Variants in MCC observed in about 807,000 individuals in gnomAD.
MCC encodes colorectal mutant cancer protein.
In MCC, 90 loss-of-function variants were observed where a neutral mutation model predicts 116.2. The ratio of observed to expected loss-of-function variants is 0.77; its 90% confidence interval spans 0.65 to 0.92. MCC has a LOEUF of 0.92. Ranked by LOEUF, MCC falls within the 40% of genes least tolerant of loss-of-function variation. MCC has a pLI of 0.00. For synonymous variants in MCC, 578 were observed against 510.5 expected (o/e 1.13, Z -1.78); for missense variants, 1,516 against 1,312.2 (o/e 1.16, Z -2.40).
chr5:113,392,652 A>T (rs996083061), intron 1 of MCC, among the ~76,000 whole-genome samples: 17 of 152,172 alleles, frequency 1.1e-4, no homozygotes, highest in African/African-American at 3.9e-4. Flanking sequence ...AGAGGTTAAC[A>T]ATAATATTAA....
intron 3 of MCC, among the ~76,000 whole-genome samples, chr5:113,276,652 G>C (rs939434786): frequency 6.6e-6 from 1 of 152,008 alleles, no homozygotes; most frequent in African/African-American, 2.4e-5. Context: ...TTTGAGACAG[G>C]GTCTGGCTCT....
Position 113,029,049 on chromosome 5 carries a change from T to A in MCC, c.2764A>T (p.Lys922Ter). ...EFTNAIRREK[K>*]LKARVQELVS... is the part of the protein sequence containing the mutation. ...AGCTCTTGAACTCTGGCCTTCAACT[T>A]CTTTTCTCTATATTAAAGGAGACAA... The change falls in exon 18 of 19, where the codon AAG (lysine) becomes TAG (stop). Residue 922 changes from lysine to a stop codon, truncating the protein, a stop_gained. Coordinates refer to ENST00000408903, the MANE Select transcript of MCC (RefSeq NM_001085377.2). LOFTEE classifies it high-confidence loss of function. 1.2e-6 allele frequency: 2 copies of A among 1,612,916 alleles called. No individual in the cohort carries two copies. Among genetic ancestry groups the A allele is most frequent in the Middle Eastern group, 1.6e-4 (1 of 6,062 alleles).
chr5:113,221,374 G>A (rs1297812414), intron 3 of MCC, among the ~76,000 whole-genome samples: 1 of 152,188 alleles, frequency 6.6e-6, no homozygotes, highest in African/African-American at 2.4e-5. Flanking sequence ...CTGGGCACAG[G>A]ACAAACTAAC....
At chr5:113,144,890 C>A (rs1296867364) in intron 4 of MCC, among the ~76,000 whole-genome samples, 1 of 152,104 alleles carries the variant, frequency 6.6e-6, no homozygotes, top group African/African-American at 2.4e-5. Context: ...GTCAAGCACA[C>A]AAAAAATAAG....
At chr5:113,239,955 C>A (rs117731932) in intron 3 of MCC, among the ~76,000 whole-genome samples, 1 of 152,200 alleles carries the variant, frequency 6.6e-6, no homozygotes, top group Non-Finnish European at 1.5e-5. Flanking sequence ...GCTTTAGACA[C>A]AAATCTCATC....
chr5:113,341,988 C>T (rs1768028148), intron 2 of MCC, among the ~76,000 whole-genome samples: 1 of 150,680 alleles, frequency 6.6e-6, no homozygotes, highest in East Asian at 1.9e-4. Context: ...TCCCTCACCC[C>T]CCCACTCACA....
chr5:113,344,632 G>A (rs1430602251), intron 2 of MCC, among the ~76,000 whole-genome samples: 1 of 151,908 alleles, frequency 6.6e-6, no homozygotes, highest in Non-Finnish European at 1.5e-5. Flanking sequence ...GCAGAGTCAT[G>A]AGGCCCCCCA....
In MCC at chr5:113,077,949, G is replaced by A. The variant is rs550787818; in HGVS notation, c.1784+4911C>T. Among the ~76,000 whole-genome samples the A allele has an allele frequency of 6.1e-3, 926 of 151,832 alleles. 5 individuals are homozygous for A. Among genetic ancestry groups the A allele is most frequent in the African/African-American group, 0.013 (538 of 41,382 alleles). On this transcript the variant is annotated intron_variant, in intron 11 of 18. Coordinates refer to ENST00000408903, the MANE Select transcript of MCC (RefSeq NM_001085377.2). ...AAGAAAAGAGATGAATCAAATAGAC[G>A]CAATAAAAAATAATAAAGGGGATAT...
chr5:113,285,370 AAAG>A (rs1315487097), intron 3 of MCC, among the ~76,000 whole-genome samples: 1 of 122,092 alleles, frequency 8.2e-6, no homozygotes, highest in African/African-American at 3.1e-5. Context: ...CAAAATATGA[AAAG>A]AATAAGAAAG....
intron 1 of MCC, among the ~76,000 whole-genome samples, chr5:113,443,712 T>C (rs570267977): frequency 2.1e-4 from 32 of 152,308 alleles, no homozygotes; most frequent in African/African-American, 7.7e-4. Flanking sequence ...TGAAGGGGTG[T>C]TGAATTTTAT....
intron 18 of MCC, 101 bp from the exon 19 acceptor site, chr5:113,027,583 GAAGA>G: frequency 9.5e-7 from 1 of 1,047,556 alleles, no homozygotes; most frequent in Non-Finnish European, 1.4e-6. Flanking sequence ...GCACTGCTCT[GAAGA>G]AAGATCACTC....
At chr5:113,348,532 C>A (rs1120091) in intron 2 of MCC, among the ~76,000 whole-genome samples, 64,848 of 151,728 alleles carry the variant, frequency 0.43, 15,201 homozygotes, top group African/African-American at 0.62. Context: ...AATGGACATG[C>A]AACATTCCAA....
In MCC at chr5:113,282,027, G is replaced by A. The variant is rs565851804; in HGVS notation, c.627+58492C>T. 2.6e-5 allele frequency among the ~76,000 whole-genome samples: 4 copies of A among 152,244 alleles called. No homozygotes were observed. The South Asian group carries it at 8.3e-4, about 32-fold the overall frequency. ...CTGGCCTTCACAACATTTATCTAGG[G>A]AAAATACTTTTATTATCACTACTTT... On this transcript the variant is annotated intron_variant, in intron 3 of 18. Transcript: ENST00000408903.
intron 1 of MCC, among the ~76,000 whole-genome samples, chr5:113,389,685 G>A (rs1317992351): frequency 1.3e-5 from 2 of 152,146 alleles, no homozygotes; most frequent in African/African-American, 4.8e-5. Context: ...GGCAGCCAGT[G>A]TTGATGCTAC....
In MCC at chr5:113,045,979, T is replaced by C. The variant is rs1752044623; in HGVS notation, c.2656-2349A>G. 3.3e-5 allele frequency among the ~76,000 whole-genome samples: 5 copies of C among 152,080 alleles called. No homozygotes were observed. The South Asian group carries it at 6.2e-4, about 19-fold the overall frequency. On this transcript the variant is annotated intron_variant, in intron 16 of 18. Coordinates refer to ENST00000408903, the MANE Select transcript of MCC (RefSeq NM_001085377.2). ...TGTGTGACCCTTCACAGAAAAGTGC[T>C]GACCCCTTCTCTAGATGCTCGCCTC... is the stretch of plus-strand genomic sequence containing the variant.
At chr5:113,082,138 T>C (rs1202133553) in intron 11 of MCC, among the ~76,000 whole-genome samples, 3 of 152,148 alleles carry the variant, frequency 2.0e-5, no homozygotes, top group Non-Finnish European at 1.5e-5. Flanking sequence ...CATAAGAGAG[T>C]CTTTGCCAAC....
At chr5:113,038,951 T>C (rs900825217) in intron 17 of MCC, among the ~76,000 whole-genome samples, 2 of 152,148 alleles carry the variant, frequency 1.3e-5, no homozygotes, top group Non-Finnish European at 2.9e-5. Context: ...ATATTCCAGT[T>C]CCCTGGAGGG....
intron 3 of MCC, among the ~76,000 whole-genome samples, chr5:113,252,312 T>C (rs1764833299): frequency 6.6e-6 from 1 of 152,182 alleles, no homozygotes; most frequent in Non-Finnish European, 1.5e-5. Flanking sequence ...TGAGAGAAGC[T>C]TCATCTGTAT....
intron 3 of MCC, among the ~76,000 whole-genome samples, chr5:113,204,165 C>T (rs377461871): frequency 1.4e-4 from 21 of 152,256 alleles, no homozygotes; most frequent in Admixed American, 3.3e-4. Flanking sequence ...ATGGTCTTGA[C>T]GGTTTGCAAG....
Sources: gnomAD v4.1 joint callset for allele counts (sites outside exome capture counted in the v4.1 genomes callset) on GRCh38, gnomAD v4.1.1 for gene constraint, MANE v1.5 for transcripts, NCBI Gene and HGNC (gene_info 2026-07-23, HGNC 2026-07-21) for gene names.